STX8: variants seen among roughly 807,000 people sequenced by gnomAD.
STX8 encodes the protein syntaxin-8.
In STX8, 23 loss-of-function variants were observed where a neutral mutation model predicts 37.5. That is an observed-to-expected ratio of 0.61 (90% CI 0.44 to 0.87). STX8 has a LOEUF of 0.87. Among genes scored for constraint, STX8 ranks in the 40% least tolerant of loss-of-function variants. STX8 has a pLI of 0.00. For synonymous variants in STX8, 115 were observed against 99.1 expected (o/e 1.16, Z -0.95); for missense variants, 313 against 284.7 (o/e 1.10, Z -0.71).
intron 6 of STX8, among the ~76,000 whole-genome samples, chr17:9,443,539 C>T (rs773525747): frequency 4.7e-4 from 71 of 152,114 alleles, no homozygotes; most frequent in South Asian, 8.3e-4. Context: ...CTCCCCCGAG[C>T]CACAGAGCCA....
chr17:9,407,903 G>C (rs1912852697), intron 6 of STX8, among the ~76,000 whole-genome samples: 1 of 152,170 alleles, frequency 6.6e-6, no homozygotes, highest in Non-Finnish European at 1.5e-5. Flanking sequence ...ATCTCTTTAG[G>C]ATTGGGAGGG....
chr17:9,384,858 A>T (rs1911937939), intron 6 of STX8, among the ~76,000 whole-genome samples: 1 of 151,340 alleles, frequency 6.6e-6, no homozygotes, highest in Admixed American at 6.6e-5. Context: ...CAACAAAGGA[A>T]AGAAAATTCT....
At chr17:9,430,649 C>CTTTTTTTTTTT in intron 6 of STX8, among the ~76,000 whole-genome samples, 1 of 120,904 alleles carries the variant, frequency 8.3e-6, no homozygotes, top group Non-Finnish European at 1.8e-5. Flanking sequence ...GTGGTTTTGG[C>CTTTTTTTTTTT]TTTTTTTTTT....
chr17:9,505,590 G>A (rs1195347716), intron 4 of STX8, among the ~76,000 whole-genome samples: 2 of 152,082 alleles, frequency 1.3e-5, no homozygotes, highest in African/African-American at 4.8e-5. Context: ...ACAATGTTGC[G>A]ACTACAGATT....
At chr17:9,473,419 T>C (rs535476929) in intron 6 of STX8, among the ~76,000 whole-genome samples, 3 of 152,280 alleles carry the variant, frequency 2.0e-5, no homozygotes, top group South Asian at 2.1e-4. Context: ...TCTTGCGGGA[T>C]TGGTTCCAGG....
chr17:9,392,519 ATCAC>A (rs1435874674), intron 6 of STX8, among the ~76,000 whole-genome samples: 2 of 152,256 alleles, frequency 1.3e-5, no homozygotes, highest in Non-Finnish European at 2.9e-5. Context: ...AGAAAGGAGA[ATCAC>A]TTGAGCCCAG....
intron 4 of STX8, among the ~76,000 whole-genome samples, chr17:9,511,850 C>CA (rs923590685): frequency 6.0e-5 from 9 of 150,300 alleles, no homozygotes; most frequent in African/African-American, 1.7e-4. Flanking sequence ...TAAAGACTAC[C>CA]AAAAAAAAAC....
intron 7 of STX8, among the ~76,000 whole-genome samples, chr17:9,366,525 C>T (rs189108665): frequency 1.1e-3 from 165 of 152,290 alleles, no homozygotes; most frequent in Non-Finnish European, 1.5e-3. Context: ...CCATCGCACC[C>T]GGCCTGCGTT....
chr17:9,259,044 G>T (rs1203922296), intron 7 of STX8, among the ~76,000 whole-genome samples: 1 of 141,750 alleles, frequency 7.1e-6, no homozygotes, highest in African/African-American at 2.4e-5. Flanking sequence ...TCAGGCCATA[G>T]AATCTCCAAA....
chr17:9,341,484 T>G (rs997024571), intron 7 of STX8, among the ~76,000 whole-genome samples: 6 of 152,190 alleles, frequency 3.9e-5, no homozygotes, highest in Non-Finnish European at 8.8e-5. Context: ...GTTGCCAGGC[T>G]AGAGTGCAAT....
intron 4 of STX8, among the ~76,000 whole-genome samples, chr17:9,529,519 C>A (rs1481035023): frequency 6.6e-6 from 1 of 152,136 alleles, no homozygotes; most frequent in Admixed American, 6.5e-5. Context: ...CTACCCACAG[C>A]AAGAAAAAGA....
chr17:9,472,279 G>T (rs1905903521), intron 6 of STX8, among the ~76,000 whole-genome samples: 1 of 152,086 alleles, frequency 6.6e-6, no homozygotes, highest in Admixed American at 6.5e-5. Flanking sequence ...GTGCTTGTGG[G>T]GTGAGTCAAA....
At chr17:9,323,205 G>C (rs1057265368) in intron 7 of STX8, among the ~76,000 whole-genome samples, 1 of 152,028 alleles carries the variant, frequency 6.6e-6, no homozygotes, top group Non-Finnish European at 1.5e-5. Flanking sequence ...TAAATCCTTT[G>C]AGTTGACAGA....
intron 7 of STX8, among the ~76,000 whole-genome samples, chr17:9,310,284 A>G (rs761342206): frequency 6.6e-6 from 1 of 152,252 alleles, no homozygotes; most frequent in East Asian, 1.9e-4. Context: ...TTGCAGATTC[A>G]GATTGCAACC....
intron 6 of STX8, among the ~76,000 whole-genome samples, chr17:9,476,546 G>A (rs1223054038): frequency 2.0e-5 from 3 of 151,232 alleles, no homozygotes; most frequent in Admixed American, 6.6e-5. Context: ...TCCACCTCCC[G>A]GGTTCAAGCT....
rs1175896509 is a variant in STX8, at chr17:9,491,844, A to C, written c.526T>G (p.Leu176Val). The change falls in exon 6 of 8, where the codon TTG becomes GTG. Residue 176 changes from leucine (L) to valine (V), a missense_variant. Physicochemically the swap from Leu to Val is conservative, Grantham distance 32 (BLOSUM62 1). Coordinates refer to ENST00000306357, the MANE Select transcript of STX8 (RefSeq NM_004853.3). ...TTATTCTTACCATTTTGTTCATCCA[A>C]TTCATTCCCAATTTCCTGCCCCATT... Reference protein sequence around the residue: ...KQMGQEIGNELDEQNEIIDDL... With the variant: ...KQMGQEIGNEVDEQNEIIDDL... 6.2e-7 allele frequency: 1 copy of C among 1,613,932 alleles called. No individual in the cohort carries two copies. The highest frequency in any genetic ancestry group is 8.5e-7 in the Non-Finnish European group (1 of 1,179,958).
intron 7 of STX8, among the ~76,000 whole-genome samples, chr17:9,296,243 G>A (rs1908534303): frequency 2.0e-5 from 3 of 152,142 alleles, no homozygotes; most frequent in Admixed American, 1.3e-4. Flanking sequence ...CTACTCGGGA[G>A]GCTGAGGCAG....
intron 7 of STX8, among the ~76,000 whole-genome samples, chr17:9,297,455 A>G (rs1908605577): frequency 6.6e-6 from 1 of 152,140 alleles, no homozygotes; most frequent in African/African-American, 2.4e-5. Flanking sequence ...GGATGTGGAG[A>G]TGCTTCCTTG....
intron 1 of STX8, among the ~76,000 whole-genome samples, chr17:9,574,101 T>A (rs1323011644): frequency 6.6e-6 from 1 of 151,858 alleles, no homozygotes; most frequent in Non-Finnish European, 1.5e-5. Context: ...TAAAACCCTG[T>A]CTCTACTAAA....
Sources: allele counts gnomAD v4.1 joint callset (sites outside exome capture counted in the v4.1 genomes callset), GRCh38; gene constraint gnomAD v4.1.1; transcripts MANE v1.5; gene names NCBI Gene and HGNC (gene_info 2026-07-23, HGNC 2026-07-21).